The following SAMMSON variants were observed in gnomAD, a reference collection of about 807,000 sequenced individuals.
The protein encoded by SAMMSON is long intergenic non-protein coding RNA 1212.
chr3:70,091,921 C>T (rs1373081348), intron 4 of SAMMSON, among the ~76,000 whole-genome samples: 1 of 152,168 alleles, frequency 6.6e-6, no homozygotes, highest in Non-Finnish European at 1.5e-5. Context: ...TTTGGAACCC[C>T]TGTCTGCCTT....
chr3:70,130,035 C>T (rs1390171152), intron 4 of SAMMSON, among the ~76,000 whole-genome samples: 2 of 152,148 alleles, frequency 1.3e-5, no homozygotes, highest in African/African-American at 4.8e-5. Context: ...AATGGAATGG[C>T]AATATACACC....
intron 7 of SAMMSON, among the ~76,000 whole-genome samples, chr3:70,342,538 A>G (rs560080074): frequency 8.5e-4 from 129 of 152,290 alleles, no homozygotes; most frequent in Admixed American, 1.4e-3. Context: ...CCTTCTGAAG[A>G]ACTCAATTGC....
chr3:70,320,846 A>T (rs1575625212), intron 7 of SAMMSON, among the ~76,000 whole-genome samples: 1 of 152,240 alleles, frequency 6.6e-6, no homozygotes, highest in East Asian at 1.9e-4. Context: ...AATGCGAGAA[A>T]ATAGACAAAT....
chr3:70,167,723 C>T (rs1313923494), intron 4 of SAMMSON, among the ~76,000 whole-genome samples: 1 of 151,734 alleles, frequency 6.6e-6, no homozygotes, highest in Non-Finnish European at 1.5e-5. Flanking sequence ...CATCACAGAC[C>T]CTGATGAACG....
chr3:70,307,351 A>G (rs966172519), intron 7 of SAMMSON, among the ~76,000 whole-genome samples: 1 of 152,124 alleles, frequency 6.6e-6, no homozygotes, highest in Non-Finnish European at 1.5e-5. Context: ...GTGATTTTAA[A>G]CTGCAAATGG....
At chr3:70,020,229 T>C (rs2067006445) in intron 3 of SAMMSON, among the ~76,000 whole-genome samples, 1 of 152,190 alleles carries the variant, frequency 6.6e-6, no homozygotes, top group East Asian at 1.9e-4. Flanking sequence ...TATTCCCTTT[T>C]ATTCTTTCCT....
chr3:70,231,934 A>G (rs1701563458), intron 4 of SAMMSON, among the ~76,000 whole-genome samples: 1 of 152,104 alleles, frequency 6.6e-6, no homozygotes, highest in South Asian at 2.1e-4. Flanking sequence ...ACACCAAATA[A>G]CAGTCGTGTA....
At chr3:70,404,582 A>T (rs1701165353) in intron 2 of SAMMSON, among the ~76,000 whole-genome samples, 1 of 152,078 alleles carries the variant, frequency 6.6e-6, no homozygotes, top group Non-Finnish European at 1.5e-5. Context: ...AGTAGGTATG[A>T]CTCTCTTCTG....
intron 3 of SAMMSON, among the ~76,000 whole-genome samples, chr3:70,021,509 T>C (rs2067013328): frequency 6.6e-6 from 1 of 152,186 alleles, no homozygotes; most frequent in Non-Finnish European, 1.5e-5. Context: ...AAGAAAAACA[T>C]AGCTTGTTTA....
At chr3:70,090,114 T>A (rs2067299979) in intron 4 of SAMMSON, among the ~76,000 whole-genome samples, 1 of 152,062 alleles carries the variant, frequency 6.6e-6, no homozygotes, top group South Asian at 2.1e-4. Context: ...TAAAGGGAGG[T>A]TAGCTGGGAT....
intron 6 of SAMMSON, among the ~76,000 whole-genome samples, chr3:70,269,167 G>A (rs554646677): frequency 6.6e-5 from 10 of 152,072 alleles, no homozygotes; most frequent in Non-Finnish European, 1.5e-4. Flanking sequence ...TTAAACATCT[G>A]TGGAATATAT....
chr3:70,281,484 C>T (rs1042527237), intron 6 of SAMMSON, among the ~76,000 whole-genome samples: 2 of 152,140 alleles, frequency 1.3e-5, no homozygotes, highest in African/African-American at 2.4e-5. Flanking sequence ...GGTTCTCTGA[C>T]ATGCATTTTC....
intron 6 of SAMMSON, among the ~76,000 whole-genome samples, chr3:70,263,649 G>A (rs1049820991): frequency 6.6e-6 from 1 of 152,134 alleles, no homozygotes; most frequent in East Asian, 1.9e-4. Context: ...AAAGACTCAA[G>A]GGAGCCCTAC....
intron 6 of SAMMSON, among the ~76,000 whole-genome samples, chr3:70,273,552 G>A (rs1701994604): frequency 6.6e-6 from 1 of 152,112 alleles, no homozygotes; most frequent in South Asian, 2.1e-4. Context: ...CAAGCCTAGT[G>A]AAACACTTGA....
intron 7 of SAMMSON, among the ~76,000 whole-genome samples, chr3:70,291,495 A>G (rs1372880584): frequency 1.3e-5 from 2 of 152,114 alleles, no homozygotes; most frequent in Non-Finnish European, 2.9e-5. Flanking sequence ...TACTTCTCAC[A>G]TTGTATTGTA....
intron 9 of SAMMSON, among the ~76,000 whole-genome samples, chr3:70,367,215 C>T (rs1483298062): frequency 6.6e-6 from 1 of 151,378 alleles, no homozygotes; most frequent in South Asian, 2.1e-4. Flanking sequence ...CAATAAATTA[C>T]GGACAACTAT....
chr3:70,161,553 G>T (rs941834261), intron 4 of SAMMSON, among the ~76,000 whole-genome samples: 1 of 151,734 alleles, frequency 6.6e-6, no homozygotes, highest in Non-Finnish European at 1.5e-5. Flanking sequence ...TTTATATGTT[G>T]AATTTGGTTT....
chr3:70,125,819 G>A (rs1335421950), intron 4 of SAMMSON: 3 of 661,804 alleles, frequency 4.5e-6, no homozygotes, highest in African/African-American at 1.8e-5. Context: ...CTTTGGGGCT[G>A]AAGATTTGCT....
At chr3:70,234,181 T>A (rs940795683) in intron 4 of SAMMSON, among the ~76,000 whole-genome samples, 1 of 152,172 alleles carries the variant, frequency 6.6e-6, no homozygotes, top group Non-Finnish European at 1.5e-5. Flanking sequence ...TAGGATTGGG[T>A]ATGAGACAAT....
Sources: gnomAD v4.1 joint callset for allele counts (sites outside exome capture counted in the v4.1 genomes callset) on GRCh38, gnomAD v4.1.1 for gene constraint, MANE v1.5 for transcripts, NCBI Gene and HGNC (gene_info 2026-07-23, HGNC 2026-07-21) for gene names.